RUNX1: variants seen among roughly 807,000 people sequenced by gnomAD.
The protein encoded by RUNX1 is RUNX family transcription factor 1, also known as runt-related transcription factor 1.
In RUNX1, 19 loss-of-function variants were observed where a neutral mutation model predicts 42.8. The observed-to-expected ratio is 0.44, with a 90% CI of 0.31 to 0.65. RUNX1 has a LOEUF of 0.65. Ranked by LOEUF, RUNX1 falls within the 30% of genes least tolerant of loss-of-function variation. RUNX1 has a pLI of 0.07. For missense variants in RUNX1, 528 were observed against 672.0 expected (o/e 0.79, Z 2.37); for synonymous variants, 271 against 289.4 (o/e 0.94, Z 0.64).
At chr21:34,979,608 G>A (rs8132190) in intron 2 of RUNX1, among the ~76,000 whole-genome samples, 8,894 of 152,176 alleles carry the variant, frequency 0.058, 629 homozygotes, top group African/African-American at 0.16. Flanking sequence ...TTATGACAGC[G>A]TTTCTTTCCT....
rs147124056 is a variant in RUNX1, at chr21:34,932,997, G to A, written c.59-40034C>T. Among the ~76,000 whole-genome samples the A allele has an allele frequency of 3.0e-3, 456 of 152,166 alleles. 4 individuals carry two copies. The highest frequency in any genetic ancestry group is 5.2e-3 in the Non-Finnish European group (352 of 68,018). ...CTACTCCTATTTCTCACTTTAGTAC[G>A]TACATGTACGTGTGCATAATGATCA... On this transcript the variant is annotated intron_variant, in intron 2 of 8. Transcript: ENST00000675419.
At chr21:34,873,774 C>T (rs903891897) in intron 5 of RUNX1, among the ~76,000 whole-genome samples, 2 of 152,224 alleles carry the variant, frequency 1.3e-5, no homozygotes, top group Admixed American at 6.5e-5. Flanking sequence ...AAACTGAATG[C>T]CGTCGATTGC....
chr21:34,896,125 T>G (rs1417548447), intron 2 of RUNX1, among the ~76,000 whole-genome samples: 1 of 151,882 alleles, frequency 6.6e-6, no homozygotes, highest in Non-Finnish European at 1.5e-5. Flanking sequence ...CAGAACAGAA[T>G]AGGAGGTGCT....
chr21:34,876,470 C>G (rs1569075925), intron 5 of RUNX1, among the ~76,000 whole-genome samples: 1 of 152,164 alleles, frequency 6.6e-6, no homozygotes, highest in Non-Finnish European at 1.5e-5. Context: ...AAATTTTTGG[C>G]CTAGGGTCTG....
At chr21:34,857,345 G>A (rs2146221587) in intron 6 of RUNX1, among the ~76,000 whole-genome samples, 1 of 152,300 alleles carries the variant, frequency 6.6e-6, no homozygotes, top group South Asian at 2.1e-4. Context: ...CAATCGCATA[G>A]ACATCTTTTT....
rs2298351 is a variant in RUNX1, at chr21:34,880,298, G to A, written c.508+259C>T. Among the ~76,000 whole-genome samples, 35,523 of 152,030 alleles carry A rather than the reference G, an allele frequency of 0.23. 4,327 individuals carry two copies. Among genetic ancestry groups the A allele is most frequent in the African/African-American group, 0.27 (11,387 of 41,442 alleles). ...TTGCATTTTAGTAAAAATCTCAGGC[G>A]TTTCTTTGAAATTCACAATTCCTAC... On this transcript the variant is annotated intron_variant, in intron 5 of 8. Coordinates refer to ENST00000675419, the MANE Select transcript of RUNX1 (RefSeq NM_001754.5).
chr21:34,868,898 G>A (rs545406110), intron 5 of RUNX1, among the ~76,000 whole-genome samples: 3 of 152,324 alleles, frequency 2.0e-5, no homozygotes, highest in East Asian at 1.9e-4. Context: ...ACCTTGGGGG[G>A]TGGGGCAGAG....
At chr21:34,930,792 CAAGG>C (rs2058438594) in intron 2 of RUNX1, among the ~76,000 whole-genome samples, 1 of 151,870 alleles carries the variant, frequency 6.6e-6, no homozygotes, top group Non-Finnish European at 1.5e-5. Flanking sequence ...TGAGAAAAGA[CAAGG>C]AAGAAAACTG....
At chr21:34,884,634 T>A (rs2057953563) in intron 4 of RUNX1, among the ~76,000 whole-genome samples, 1 of 152,220 alleles carries the variant, frequency 6.6e-6, no homozygotes, top group Admixed American at 6.5e-5. Flanking sequence ...CTTGCTTTTA[T>A]CCCTAACATT....
chr21:34,827,502 T>A (rs2057004702), intron 7 of RUNX1, among the ~76,000 whole-genome samples: 1 of 152,232 alleles, frequency 6.6e-6, no homozygotes, highest in Admixed American at 6.5e-5. Context: ...GGAAGCCAGA[T>A]TCTGTTCATC....
chr21:34,993,503 A>G (rs2058962586), intron 2 of RUNX1, among the ~76,000 whole-genome samples: 1 of 100,938 alleles, frequency 9.9e-6, no homozygotes, highest in Non-Finnish European at 2.0e-5. Context: ...GTCCCTACAC[A>G]CACACACACA....
intron 2 of RUNX1, among the ~76,000 whole-genome samples, chr21:35,024,135 T>C (rs893920230): frequency 6.6e-6 from 1 of 152,206 alleles, no homozygotes; most frequent in Non-Finnish European, 1.5e-5. Flanking sequence ...TGGTCAATGA[T>C]TTGTCAGCAG....
At chr21:35,041,660 CTTTT>C (rs36116941) in intron 2 of RUNX1, among the ~76,000 whole-genome samples, 48 of 139,470 alleles carry the variant, frequency 3.4e-4, no homozygotes, top group Non-Finnish European at 4.6e-4. Context: ...TTCTTTCTTT[CTTTT>C]TTTTTTTTTT....
chr21:34,857,434 T>G (rs1481759347), intron 6 of RUNX1, among the ~76,000 whole-genome samples: 1 of 152,228 alleles, frequency 6.6e-6, no homozygotes, highest in South Asian at 2.1e-4. Flanking sequence ...GTTATTTCTT[T>G]GAATGTTACA....
chr21:34,910,921 C>T (rs1026780148), intron 2 of RUNX1, among the ~76,000 whole-genome samples: 1 of 152,104 alleles, frequency 6.6e-6, no homozygotes, highest in Non-Finnish European at 1.5e-5. Flanking sequence ...CAGACACACG[C>T]CACCACACCC....
chr21:34,945,061 AC>A (rs1172775097), intron 2 of RUNX1, among the ~76,000 whole-genome samples: 3 of 152,248 alleles, frequency 2.0e-5, no homozygotes, highest in Non-Finnish European at 4.4e-5. Context: ...TTCATGGAGA[AC>A]AGGCATGCCA....
chr21:35,015,029 C>T (rs2059150126), intron 2 of RUNX1, among the ~76,000 whole-genome samples: 1 of 152,204 alleles, frequency 6.6e-6, no homozygotes, highest in South Asian at 2.1e-4. Context: ...CAACTCTTGA[C>T]AGATTTGGAG....
intron 2 of RUNX1, among the ~76,000 whole-genome samples, chr21:34,946,536 C>T (rs2058564300): frequency 6.6e-6 from 1 of 152,124 alleles, no homozygotes; most frequent in Admixed American, 6.5e-5. Flanking sequence ...CAATAAGGTG[C>T]TGTACTTTTC....
At chr21:34,906,320 C>T (rs565002527) in intron 2 of RUNX1, among the ~76,000 whole-genome samples, 10 of 152,220 alleles carry the variant, frequency 6.6e-5, no homozygotes, top group South Asian at 2.1e-4. Flanking sequence ...GTTGCTAGTC[C>T]GTGAGGACAG....
Sources: gnomAD v4.1 joint callset for allele counts (sites outside exome capture counted in the v4.1 genomes callset) on GRCh38, gnomAD v4.1.1 for gene constraint, MANE v1.5 for transcripts, NCBI Gene and HGNC (gene_info 2026-07-23, HGNC 2026-07-21) for gene names.